Variants in RAB3C observed in about 807,000 individuals in gnomAD.
RAB3C encodes RAB3C, member RAS oncogene family, also known as ras-related protein Rab-3C.
RAB3C carries 17 observed loss-of-function variants against 26.4 expected under a neutral mutation model. The ratio of observed to expected loss-of-function variants is 0.64; its 90% CI spans 0.44 to 0.97. The LOEUF (loss-of-function observed/expected upper bound fraction) is 0.97. Ranked by LOEUF, RAB3C falls within the 50% of genes least tolerant of loss-of-function variation. RAB3C has a pLI of 0.00. For missense variants in RAB3C, 242 were observed against 281.9 expected, an observed-to-expected ratio of 0.86 and a Z score of 1.01; for synonymous variants, 91 against 95.9, an observed-to-expected ratio of 0.95 and a Z score of 0.30.
intron 4 of RAB3C, among the ~76,000 whole-genome samples, chr5:58,826,891 C>A (rs2112061628): frequency 6.6e-6 from 1 of 152,318 alleles, no homozygotes; most frequent in East Asian, 1.9e-4. Flanking sequence ...TTGATCATCT[C>A]ATAACTAATC....
At chr5:58,743,881 G>A (rs1741334364) in intron 3 of RAB3C, among the ~76,000 whole-genome samples, 4 of 152,046 alleles carry the variant, frequency 2.6e-5, no homozygotes, top group Admixed American at 6.6e-5. Context: ...AAACATTCTT[G>A]GAAAATACAC....
intron 4 of RAB3C, among the ~76,000 whole-genome samples, chr5:58,829,246 A>G (rs1334730923): frequency 6.6e-6 from 1 of 152,092 alleles, no homozygotes; most frequent in Non-Finnish European, 1.5e-5. Context: ...TGTACCTATA[A>G]CAATATATAA....
At chr5:58,620,141 C>G (rs192913951) in intron 2 of RAB3C, among the ~76,000 whole-genome samples, 1 of 152,198 alleles carries the variant, frequency 6.6e-6, no homozygotes, top group East Asian at 1.9e-4. Flanking sequence ...CTAGGGCCTC[C>G]ATTCTCCTGC....
chr5:58,653,499 A>T (rs907675161), intron 2 of RAB3C, among the ~76,000 whole-genome samples: 1 of 152,194 alleles, frequency 6.6e-6, no homozygotes, highest in African/African-American at 2.4e-5. Flanking sequence ...ACATGCACAC[A>T]TATGTTTATT....
At chr5:58,635,903 T>G (rs1747280865) in intron 2 of RAB3C, among the ~76,000 whole-genome samples, 1 of 152,168 alleles carries the variant, frequency 6.6e-6, no homozygotes, top group Non-Finnish European at 1.5e-5. Flanking sequence ...GGTTATTTAA[T>G]TCTGGTTACT....
At chr5:58,681,923 C>G (rs1395914370) in intron 2 of RAB3C, among the ~76,000 whole-genome samples, 1 of 152,108 alleles carries the variant, frequency 6.6e-6, no homozygotes, top group Non-Finnish European at 1.5e-5. Flanking sequence ...AGGGAAGGAA[C>G]AGATTTGAGG....
At chr5:58,797,362 ATAT>A (rs1742690020) in intron 3 of RAB3C, among the ~76,000 whole-genome samples, 1 of 16,846 alleles carries the variant, frequency 5.9e-5, no homozygotes, top group African/African-American at 6.3e-4. Flanking sequence ...AAATATGTAT[ATAT>A]ATAATATATA....
At chr5:58,695,896 T>C (rs576070696) in intron 2 of RAB3C, among the ~76,000 whole-genome samples, 2 of 152,348 alleles carry the variant, frequency 1.3e-5, no homozygotes, top group South Asian at 4.1e-4. Context: ...CCTCATTTCC[T>C]AATTGAATAC....
At chr5:58,741,761 T>C (rs991730841) in intron 3 of RAB3C, 1 of 152,066 alleles carries the variant, frequency 6.6e-6, no homozygotes, top group Non-Finnish European at 1.5e-5. Flanking sequence ...TCCTAGCATT[T>C]TGAGAGGCCG....
intron 1 of RAB3C, among the ~76,000 whole-genome samples, chr5:58,599,584 A>T (rs1309372303): frequency 2.0e-5 from 3 of 152,122 alleles, no homozygotes; most frequent in Non-Finnish European, 4.4e-5. Flanking sequence ...AACCGCTGGA[A>T]CCAAACTGGA....
intron 2 of RAB3C, among the ~76,000 whole-genome samples, chr5:58,697,625 T>C (rs951458575): frequency 7.2e-5 from 11 of 152,230 alleles, no homozygotes; most frequent in African/African-American, 2.7e-4. Flanking sequence ...GGTGCATATA[T>C]ATTTAGGATA....
chr5:58,730,015 A>T (rs938094410), intron 3 of RAB3C, among the ~76,000 whole-genome samples: 2 of 150,678 alleles, frequency 1.3e-5, no homozygotes, highest in African/African-American at 4.9e-5. Flanking sequence ...CCCAGCAAAA[A>T]ATACAGAAAT....
chr5:58,615,200 G>A (rs914300858), intron 1 of RAB3C, among the ~76,000 whole-genome samples: 2 of 151,978 alleles, frequency 1.3e-5, no homozygotes, highest in Admixed American at 6.6e-5. Flanking sequence ...AGAGATCCTC[G>A]GGCCTCAGTT....
chr5:58,726,452 G>A (rs1740890052), intron 3 of RAB3C, among the ~76,000 whole-genome samples: 1 of 151,860 alleles, frequency 6.6e-6, no homozygotes, highest in South Asian at 2.1e-4. Flanking sequence ...TCTAAAATAG[G>A]GATCTAGAAA....
chr5:58,619,618 T>C (rs954558894), intron 2 of RAB3C, among the ~76,000 whole-genome samples: 2 of 152,152 alleles, frequency 1.3e-5, no homozygotes, highest in African/African-American at 4.8e-5. Flanking sequence ...CTTTCTGTCA[T>C]AGAGATAATT....
intron 2 of RAB3C, among the ~76,000 whole-genome samples, chr5:58,682,897 C>CA (rs1015270887): frequency 5.9e-5 from 9 of 152,088 alleles, no homozygotes; most frequent in African/African-American, 2.2e-4. Flanking sequence ...TGCAAGTTTG[C>CA]AAAATTATAA....
At chr5:58,774,257 A>T (rs1742082052) in intron 3 of RAB3C, among the ~76,000 whole-genome samples, 1 of 152,256 alleles carries the variant, frequency 6.6e-6, no homozygotes, top group South Asian at 2.1e-4. Flanking sequence ...CTTCCTGTAC[A>T]CATACCTGGG....
chr5:58,836,982 A>G (rs77170841), intron 4 of RAB3C, among the ~76,000 whole-genome samples: 1 of 152,138 alleles, frequency 6.6e-6, no homozygotes, highest in Non-Finnish European at 1.5e-5. Flanking sequence ...TGGTTATACT[A>G]GTTTACATTC....
chr5:58,786,673 C>T (rs116737257), intron 3 of RAB3C, among the ~76,000 whole-genome samples: 7 of 152,034 alleles, frequency 4.6e-5, no homozygotes, highest in Admixed American at 2.6e-4. Flanking sequence ...TCGGACCGCA[C>T]GGCTTGCCTG....
Sources: allele counts gnomAD v4.1 joint callset (sites outside exome capture counted in the v4.1 genomes callset), GRCh38; gene constraint gnomAD v4.1.1; transcripts MANE v1.5; gene names NCBI Gene and HGNC (gene_info 2026-07-23, HGNC 2026-07-21).